Variants in EYS observed in about 807,000 individuals in gnomAD.
EYS encodes EGF-like photoreceptor maintenance factor, also known as protein eyes shut homolog.
In EYS, 250 loss-of-function variants were observed where a neutral mutation model predicts 282.1. That is an observed-to-expected ratio of 0.89 (90% CI 0.80 to 0.98). The LOEUF (loss-of-function observed/expected upper bound fraction) is 0.98, where lower values mean the gene tolerates loss of function less well. Ranked by LOEUF, EYS falls within the 50% of genes least tolerant of loss-of-function variation. The pLI, the probability that EYS is intolerant of heterozygous loss-of-function variation, is 0.00. For synonymous variants in EYS, 1,355 were observed against 1,282.9 expected, an observed-to-expected ratio of 1.06 and a Z score of -1.20; for missense variants, 4,016 against 3,709.0, an observed-to-expected ratio of 1.08 and a Z score of -2.15.
chr6:65,180,687 A>T (rs1364191730), intron 12 of EYS, among the ~76,000 whole-genome samples: 2 of 152,294 alleles, frequency 1.3e-5, no homozygotes, highest in Middle Eastern at 3.4e-3. Flanking sequence ...GACTTTCTTC[A>T]CAGAATTGGA....
chr6:64,353,554 T>C (rs945512911), intron 29 of EYS, among the ~76,000 whole-genome samples: 2 of 151,614 alleles, frequency 1.3e-5, no homozygotes, highest in African/African-American at 4.8e-5. Flanking sequence ...TCTGGGTTTG[T>C]TGATGACAGA....
rs1765176886 is a variant in EYS, at chr6:63,939,715, C to A, written c.7055+44668G>T. On this transcript the variant is annotated intron_variant, in intron 35 of 42. Coordinates refer to ENST00000503581, the MANE Select transcript of EYS (RefSeq NM_001142800.2). ...ATAGCCCAGAAATATTGAAAAAAAA[C>A]TAAGGAAAAGATATGTCATAAATGC... Among the ~76,000 whole-genome samples the A allele has an allele frequency of 2.0e-5, 3 of 151,294 alleles. No homozygotes were observed. In the South Asian group the frequency reaches 6.3e-4, roughly 32 times the overall value.
intron 19 of EYS, among the ~76,000 whole-genome samples, chr6:64,845,397 C>T (rs1473354222): frequency 6.6e-6 from 1 of 152,134 alleles, no homozygotes; most frequent in Non-Finnish European, 1.5e-5. Flanking sequence ...CTAATATACA[C>T]ATCTTGGTCT....
chr6:64,831,975 AGTT>A (rs1394623558), intron 19 of EYS, among the ~76,000 whole-genome samples: 4 of 151,940 alleles, frequency 2.6e-5, no homozygotes, highest in Non-Finnish European at 5.9e-5. Context: ...GAAAGTGAGA[AGTT>A]GTTCAAGGTG....
chr6:64,773,959 T>C (rs1028620902), intron 22 of EYS, among the ~76,000 whole-genome samples: 1 of 151,898 alleles, frequency 6.6e-6, no homozygotes, highest in Non-Finnish European at 1.5e-5. Context: ...TCAACTTTTG[T>C]TTTTGTTGAA....
At chr6:64,741,933 T>C (rs1562165882) in intron 22 of EYS, among the ~76,000 whole-genome samples, 1 of 152,200 alleles carries the variant, frequency 6.6e-6, no homozygotes, top group South Asian at 2.1e-4. Flanking sequence ...TTCTGTTTCT[T>C]ACTATTTACA....
chr6:63,790,058 G>A (rs1318283188), intron 37 of EYS, among the ~76,000 whole-genome samples: 1 of 152,188 alleles, frequency 6.6e-6, no homozygotes, highest in Non-Finnish European at 1.5e-5. Context: ...ATTCAATACT[G>A]AGGCTAGCAG....
At chr6:65,380,921 C>G (rs184566911) in intron 8 of EYS, among the ~76,000 whole-genome samples, 2 of 152,034 alleles carry the variant, frequency 1.3e-5, no homozygotes, top group Non-Finnish European at 2.9e-5. Flanking sequence ...CAACGAGATA[C>G]CATCTCATGC....
At chr6:64,849,810 T>C (rs1475505215) in intron 19 of EYS, among the ~76,000 whole-genome samples, 1 of 151,664 alleles carries the variant, frequency 6.6e-6, no homozygotes, top group Non-Finnish European at 1.5e-5. Flanking sequence ...CCATCTTTAA[T>C]ATCACCAAAG....
At chr6:63,904,262 C>T (rs1429835986) in intron 35 of EYS, among the ~76,000 whole-genome samples, 1 of 152,132 alleles carries the variant, frequency 6.6e-6, no homozygotes, top group East Asian at 1.9e-4. Context: ...GAGTTGTTTC[C>T]AGTAACTCAG....
intron 34 of EYS, among the ~76,000 whole-genome samples, chr6:63,991,517 G>A (rs559305087): frequency 2.0e-5 from 3 of 151,472 alleles, no homozygotes; most frequent in African/African-American, 7.2e-5. Flanking sequence ...ATATGAAAGA[G>A]GACCAACCAA....
chr6:64,910,613 A>G (rs1046514911), intron 16 of EYS, among the ~76,000 whole-genome samples: 6 of 152,078 alleles, frequency 3.9e-5, no homozygotes, highest in African/African-American at 1.2e-4. Flanking sequence ...TGGCTTACGT[A>G]CAATAATAAA....
rs542139146 is a variant in EYS at position 64,217,814 on chromosome 6, AAAG to A, written c.6424+12775_6424+12777del. Among the ~76,000 whole-genome samples, 671 of 152,328 alleles carry A rather than the reference AAAG, an allele frequency of 4.4e-3. 2 individuals are homozygous for A. Among genetic ancestry groups the A allele is most frequent in the South Asian group, 7.9e-3 (38 of 4,824 alleles). On this transcript the variant is annotated intron_variant, in intron 31 of 42. Transcript: ENST00000503581. The stretch of plus-strand genomic sequence containing the variant: ...AATCTTATGAAAGTTAGAGTTTATC[AAAG>A]AAGATGATTCTTCAGAGGAATTTAA...
chr6:64,863,524 T>G (rs998114626), intron 19 of EYS, among the ~76,000 whole-genome samples: 2 of 152,338 alleles, frequency 1.3e-5, no homozygotes, highest in South Asian at 4.1e-4. Context: ...ATATAAGGTT[T>G]GCATATTTTA....
chr6:64,669,070 G>C (rs980577673), intron 22 of EYS, among the ~76,000 whole-genome samples: 1 of 152,032 alleles, frequency 6.6e-6, no homozygotes, highest in African/African-American at 2.4e-5. Context: ...CTTCTATAAT[G>C]CTGTAAAAAA....
rs1189962899 is a variant in EYS, at chr6:64,829,850, A to C, written c.2993-7028T>G. Among the ~76,000 whole-genome samples, 3 of 151,992 alleles carry C rather than the reference A, an allele frequency of 2.0e-5. No homozygotes were observed. The East Asian group carries it at 5.8e-4, about 29-fold the overall frequency. On this transcript the variant is annotated intron_variant, in intron 19 of 42. Coordinates refer to ENST00000503581, the MANE Select transcript of EYS (RefSeq NM_001142800.2). The stretch of plus-strand genomic sequence containing the variant: ...AACAATTGGGAAATTTGTGCTTTGC[A>C]TTCCTGAAAATATAGGTTCCAGGAA...
chr6:64,192,349 C>T (rs1219913331), intron 31 of EYS, among the ~76,000 whole-genome samples: 1 of 152,128 alleles, frequency 6.6e-6, no homozygotes, highest in Non-Finnish European at 1.5e-5. Context: ...TCCCATTTGT[C>T]AATTTTGGCT....
chr6:65,404,106 TC>T (rs1766624037), intron 6 of EYS, among the ~76,000 whole-genome samples: 2 of 152,192 alleles, frequency 1.3e-5, no homozygotes, highest in South Asian at 4.1e-4. Context: ...AGGAAAATGT[TC>T]CCCTGACTTT....
chr6:63,994,292 G>T (rs574834669), intron 34 of EYS, among the ~76,000 whole-genome samples: 42 of 151,946 alleles, frequency 2.8e-4, no homozygotes, highest in East Asian at 1.2e-3. Flanking sequence ...CAGTCTAGTG[G>T]CAAGCCTTAA....
Sources: gnomAD v4.1 joint callset for allele counts (sites outside exome capture counted in the v4.1 genomes callset) on GRCh38, gnomAD v4.1.1 for gene constraint, MANE v1.5 for transcripts, NCBI Gene and HGNC (gene_info 2026-07-23, HGNC 2026-07-21) for gene names.